ZNF385C: variants seen among roughly 807,000 people sequenced by gnomAD.
The protein encoded by ZNF385C is CTD-2132N18.2.
In ZNF385C, 28 loss-of-function variants were observed where a neutral mutation model predicts 35.4. The ratio of observed to expected loss-of-function variants is 0.79; its 90% CI spans 0.59 to 1.08. The LOEUF (loss-of-function observed/expected upper bound fraction) is 1.08, where lower values mean the gene tolerates loss of function less well. ZNF385C is among the 50% of genes least tolerant of loss of function. ZNF385C has a pLI of 0.00. For missense variants in ZNF385C, 605 were observed against 595.6 expected, an observed-to-expected ratio of 1.02 and a Z score of -0.16; for synonymous variants, 248 against 248.2, an observed-to-expected ratio of 1.00 and a Z score of 0.01.
At chr17:42,090,348 G>T (rs1205782825) in intron 1 of ZNF385C, among the ~76,000 whole-genome samples, 1 of 137,572 alleles carries the variant, frequency 7.3e-6, no homozygotes, top group Non-Finnish European at 1.5e-5. Context: ...GTGCAATTGC[G>T]CGATCTCGGC....
chr17:42,029,015 T>C lies in ZNF385C; in HGVS notation c.735A>G (p.Thr245=), dbSNP rs782600316. 54 of 1,550,388 alleles carry C rather than the reference T, an allele frequency of 3.5e-5. 2 individuals carry two copies. In the South Asian group the frequency reaches 6.3e-4, roughly 18 times the overall value. Residue 245 remains threonine, a synonymous_variant, in exon 6 of 9, where the codon ACA becomes ACG. Transcript: ENST00000692273. ...GCTCTGAGTGGGCTGGCTCCCTGCA[T>C]GTAGGGTCTGGAGTTGGTGGTGGCT... ...PLQPPPTPDP[T]CREPAHSELL...
At chr17:42,077,593 CATA>C (rs1437230687) in intron 1 of ZNF385C, among the ~76,000 whole-genome samples, 3 of 152,096 alleles carry the variant, frequency 2.0e-5, no homozygotes, top group Non-Finnish European at 2.9e-5. Context: ...AAGAATTGTT[CATA>C]ATAATAACAC....
chr17:42,040,762 T>C (rs1445210328), intron 2 of ZNF385C: 1 of 1,232,196 alleles, frequency 8.1e-7, no homozygotes, highest in Admixed American at 4.2e-5. Context: ...AGGGCCACCA[T>C]GGAGGCGGAA....
In ZNF385C at chr17:42,046,012, C is replaced by T. The variant is rs74665976; in HGVS notation, c.251-8127G>A. ...CCTTCATCCTCTGAGCCTAGAATTC[C>T]CTCTCCCTCCTCTTTCCTTACTAAT... On this transcript the variant is annotated intron_variant, in intron 2 of 8. Coordinates refer to ENST00000692273, the MANE Select transcript of ZNF385C (RefSeq NM_001392013.1). 4.7e-3 allele frequency among the ~76,000 whole-genome samples: 723 copies of T among 152,244 alleles called. 5 individuals carry two copies. The highest frequency in any genetic ancestry group is 0.016 in the African/African-American group (682 of 41,530).
intron 1 of ZNF385C, among the ~76,000 whole-genome samples, chr17:42,097,008 C>A (rs2053925343): frequency 6.6e-6 from 1 of 151,928 alleles, no homozygotes; most frequent in Admixed American, 6.6e-5. Flanking sequence ...TTCCACTCCC[C>A]CCTCCCCTGC....
chr17:42,059,699 G>A (rs1555657836), intron 2 of ZNF385C, among the ~76,000 whole-genome samples: 1 of 152,172 alleles, frequency 6.6e-6, no homozygotes, highest in Admixed American at 6.5e-5. Flanking sequence ...TCAGCTCACT[G>A]CAACCTCCGC....
intron 1 of ZNF385C, among the ~76,000 whole-genome samples, chr17:42,073,065 A>AG (rs1439686975): frequency 1.3e-5 from 2 of 152,194 alleles, no homozygotes; most frequent in Non-Finnish European, 2.9e-5. Flanking sequence ...GCTGGGTGCC[A>AG]GGGGGATCAC....
At chr17:42,089,951 T>A (rs1421781737) in intron 1 of ZNF385C, among the ~76,000 whole-genome samples, 2 of 152,252 alleles carry the variant, frequency 1.3e-5, no homozygotes, top group Non-Finnish European at 2.9e-5. Flanking sequence ...AGGGTTAGTA[T>A]GTTTTGGTTT....
intron 2 of ZNF385C, among the ~76,000 whole-genome samples, chr17:42,059,176 G>A (rs2053424249): frequency 6.6e-6 from 1 of 152,180 alleles, no homozygotes; most frequent in South Asian, 2.1e-4. Flanking sequence ...CACTGCCTTA[G>A]GCACAGCTAT....
intron 1 of ZNF385C, among the ~76,000 whole-genome samples, chr17:42,066,785 T>C (rs903662314): frequency 6.6e-6 from 1 of 151,946 alleles, no homozygotes; most frequent in Non-Finnish European, 1.5e-5. Flanking sequence ...AAAGGTGAAA[T>C]TGACTGGGCG....
chr17:42,091,350 G>A (rs145312090), intron 1 of ZNF385C, among the ~76,000 whole-genome samples: 40 of 152,322 alleles, frequency 2.6e-4, no homozygotes, highest in Admixed American at 3.9e-4. Flanking sequence ...GAGGGCTGGG[G>A]TGGGAGGATT....
chr17:42,049,410 ACTT>A (rs1567989243), intron 2 of ZNF385C, among the ~76,000 whole-genome samples: 2 of 152,046 alleles, frequency 1.3e-5, no homozygotes, highest in South Asian at 4.1e-4. Flanking sequence ...AAGGTAACTA[ACTT>A]CTTCATGTCT....
rs1367778824 is a variant in ZNF385C at position 42,095,836 on chromosome 17, G to C, written c.-3+2574C>G. ...AACCAAATGGCAGCTGAAGTCACAG[G>C]CCCAGCCAGGCCCACCTGGAACACT... On this transcript the variant is annotated intron_variant, in intron 1 of 8. Coordinates refer to ENST00000692273, the MANE Select transcript of ZNF385C (RefSeq NM_001392013.1). The surrounding 1 kb of genome is among the most constrained non-coding windows in gnomAD (Gnocchi z 4.4). Among the ~76,000 whole-genome samples the C allele has an allele frequency of 1.3e-5, 2 of 152,118 alleles. No individual in the cohort carries two copies. The highest frequency in any genetic ancestry group is 4.8e-5 in the African/African-American group (2 of 41,408).
At chr17:42,027,266 T>G (rs1332982081) in intron 8 of ZNF385C, 133 bp from the exon 9 acceptor site, 4 of 771,866 alleles carry the variant, frequency 5.2e-6, no homozygotes, top group Non-Finnish European at 8.6e-6. Context: ...TCCTCCTCCC[T>G]TCCCACCCCC....
chr17:42,083,692 T>C (rs1460134431), intron 1 of ZNF385C, among the ~76,000 whole-genome samples: 1 of 149,808 alleles, frequency 6.7e-6, no homozygotes, highest in Non-Finnish European at 1.5e-5. Flanking sequence ...TAACTTTCTG[T>C]ATTGCTTTTC....
intron 2 of ZNF385C, among the ~76,000 whole-genome samples, chr17:42,053,020 A>G (rs1280508020): frequency 6.6e-6 from 1 of 152,132 alleles, no homozygotes; most frequent in Non-Finnish European, 1.5e-5. Context: ...CAAAGTGGAG[A>G]GTGAGAGGTT....
At chr17:42,086,751 GT>G (rs1555660172) in intron 1 of ZNF385C, among the ~76,000 whole-genome samples, 1 of 144,028 alleles carries the variant, frequency 6.9e-6, no homozygotes, top group Non-Finnish European at 1.5e-5. Context: ...AAAGAAAAAA[GT>G]AAAATTAATT....
At chr17:42,039,856 C>A in intron 2 of ZNF385C, 2 of 1,231,754 alleles carry the variant, frequency 1.6e-6, no homozygotes, top group Admixed American at 4.2e-5. Context: ...ACTCTGCCCC[C>A]ACCACCGCAG....
chr17:42,028,310 C>T (rs544621812), intron 6 of ZNF385C, 64 bp from the exon 7 acceptor site: 2 of 1,461,054 alleles, frequency 1.4e-6, no homozygotes, highest in South Asian at 1.4e-5. Context: ...CAGAGACCCC[C>T]TCCACACTCA....
Sources: gnomAD v4.1 joint callset for allele counts (sites outside exome capture counted in the v4.1 genomes callset) on GRCh38, gnomAD v4.1.1 for gene constraint, Gnocchi (gnomAD v3.1) non-coding constraint, MANE v1.5 for transcripts, NCBI Gene and HGNC (gene_info 2026-07-23, HGNC 2026-07-21) for gene names.